Variants in DMD observed in about 807,000 individuals in gnomAD.
DMD encodes the protein dystrophin.
In DMD, 63 loss-of-function variants were observed where a neutral mutation model predicts 330.1. That is an observed-to-expected ratio of 0.19 (90% CI 0.16 to 0.24). The LOEUF is 0.24. Among genes scored for constraint, DMD ranks in the 10% least tolerant of loss-of-function variants. DMD has a pLI of 1.00. For missense variants in DMD, 3,344 were observed against 2,684.1 expected, an observed-to-expected ratio of 1.25 and a Z score of -5.43; for synonymous variants, 1,223 against 959.8, an observed-to-expected ratio of 1.27 and a Z score of -5.07.
chrX:32,723,841 TA>T (rs2066583665), intron 7 of DMD, among the ~76,000 whole-genome samples: 1 of 108,778 alleles, frequency 9.2e-6, no homozygotes, highest in Non-Finnish European at 1.9e-5. Flanking sequence ...AGGCCACACC[TA>T]AAATACACTA....
At chrX:31,572,177 AAAAAT>A (rs1569552142) in intron 55 of DMD, among the ~76,000 whole-genome samples, 1 of 112,295 alleles carries the variant, frequency 8.9e-6, no homozygotes, top group East Asian at 2.8e-4. Flanking sequence ...ATTAAAAAAT[AAAAAT>A]AAAAGTGATT....
At chrX:32,560,857 G>C (rs2149065535) in intron 16 of DMD, among the ~76,000 whole-genome samples, 1 of 111,864 alleles carries the variant, frequency 8.9e-6, no homozygotes, top group East Asian at 2.8e-4. Flanking sequence ...CATTTGGGTT[G>C]ATTCTATGTC....
intron 44 of DMD, among the ~76,000 whole-genome samples, chrX:32,191,456 A>G (rs966131111): frequency 1.8e-5 from 2 of 112,137 alleles, no homozygotes; most frequent in Non-Finnish European, 3.8e-5. Context: ...ATGAAGGAAC[A>G]GCGAGAATAA....
intron 3 of DMD, among the ~76,000 whole-genome samples, chrX:32,847,862 CAT>C (rs1279938630): frequency 2.7e-5 from 3 of 112,025 alleles, no homozygotes; most frequent in Admixed American, 1.9e-4. Context: ...AAATGCAAAT[CAT>C]GTGGATTTTT....
chrX:33,051,177 A>C (rs1192977598), intron 1 of DMD, among the ~76,000 whole-genome samples: 1 of 107,791 alleles, frequency 9.3e-6, no homozygotes, highest in Non-Finnish European at 1.9e-5. Context: ...TTTTTAGCAG[A>C]TATCTTTGGA....
intron 63 of DMD, among the ~76,000 whole-genome samples, chrX:31,254,726 T>G (rs2049753610): frequency 9.0e-6 from 1 of 111,047 alleles, no homozygotes; most frequent in East Asian, 2.8e-4. Flanking sequence ...TTACTTAAAT[T>G]TGTAGTAAGA....
chrX:32,358,863 T>A (rs2097819150), intron 37 of DMD, among the ~76,000 whole-genome samples: 1 of 112,058 alleles, frequency 8.9e-6, no homozygotes, highest in South Asian at 3.7e-4. Flanking sequence ...TTAATTATTT[T>A]TAACCATTTC....
At chrX:31,132,366 A>C (rs1352356723) in intron 77 of DMD, among the ~76,000 whole-genome samples, 1 of 112,169 alleles carries the variant, frequency 8.9e-6, no homozygotes, top group Non-Finnish European at 1.9e-5. Context: ...AAAGGATTTC[A>C]CCTTACAGCT....
At chrX:31,735,334 A>G (rs1326643906) in intron 51 of DMD, among the ~76,000 whole-genome samples, 1 of 110,840 alleles carries the variant, frequency 9.0e-6, no homozygotes, top group African/African-American at 3.3e-5. Context: ...ATATTGTCCC[A>G]TTTTATCCTG....
intron 28 of DMD, 95 bp downstream of exon 28, chrX:32,441,085 T>G (rs2098279861): frequency 1.6e-5 from 15 of 942,037 alleles, no homozygotes; most frequent in Admixed American, 4.7e-5. Flanking sequence ...TATACTCTCT[T>G]GGGTTGTTTT....
intron 55 of DMD, among the ~76,000 whole-genome samples, chrX:31,537,824 C>T (rs752718654): frequency 1.8e-5 from 2 of 111,949 alleles, no homozygotes; most frequent in South Asian, 7.5e-4. Context: ...TGATGTACAC[C>T]CGTAGCACTA....
chrX:32,499,824 T>A (rs1288793883), intron 19 of DMD, among the ~76,000 whole-genome samples: 2 of 111,328 alleles, frequency 1.8e-5, no homozygotes, highest in Non-Finnish European at 3.8e-5. Flanking sequence ...CTTCAGGCAC[T>A]TAATATGTGT....
intron 7 of DMD, among the ~76,000 whole-genome samples, chrX:32,795,580 A>G (rs2076124627): frequency 8.9e-6 from 1 of 112,058 alleles, no homozygotes; most frequent in South Asian, 3.7e-4. Flanking sequence ...TATGACCTCA[A>G]AAGCGCAGGC....
rs371744096 is a variant in DMD at position 31,535,901 on chromosome X, C to T, written c.8218-28448G>A. On this transcript the variant is annotated intron_variant, in intron 55 of 78. Coordinates refer to ENST00000357033, the MANE Select transcript of DMD (RefSeq NM_004006.3). The stretch of plus-strand genomic sequence containing the variant: ...AGATTAGGTACTCTGAATGCAAAGC[C>T]CTTTGAAAGTTGGACAACTCTGAAC... Among the ~76,000 whole-genome samples, 8 of 111,673 alleles carry T rather than the reference C, an allele frequency of 7.2e-5. No individual in the cohort carries two copies. The East Asian group carries it at 2.3e-3, about 32-fold the overall frequency.
intron 61 of DMD, among the ~76,000 whole-genome samples, chrX:31,341,698 G>A (rs1193454193): frequency 1.8e-5 from 2 of 110,943 alleles, no homozygotes; most frequent in Non-Finnish European, 3.8e-5. Context: ...CCAGAAACTG[G>A]GTTCCAGTCC....
At chrX:32,456,576 CTT>C (rs869041903) in intron 25 of DMD, among the ~76,000 whole-genome samples, 1 of 62,698 alleles carries the variant, frequency 1.6e-5, no homozygotes, top group African/African-American at 6.3e-5. Flanking sequence ...CACATACATA[CTT>C]TGTGTGTGTG....
intron 44 of DMD, among the ~76,000 whole-genome samples, chrX:32,054,077 G>C (rs1230824536): frequency 3.9e-5 from 3 of 76,872 alleles, no homozygotes; most frequent in Non-Finnish European, 7.0e-5. Context: ...GGGTATGTGT[G>C]TGTGTGTGTG....
chrX:31,411,765 C>T (rs2061654922), intron 60 of DMD, among the ~76,000 whole-genome samples: 1 of 110,272 alleles, frequency 9.1e-6, no homozygotes, highest in Non-Finnish European at 1.9e-5. Context: ...TCCCGAGTAG[C>T]TGGGACTACA....
intron 1 of DMD, among the ~76,000 whole-genome samples, chrX:33,283,277 G>A (rs111447134): frequency 0.093 from 10,326 of 111,386 alleles, 704 homozygotes; most frequent in African/African-American, 0.24. Flanking sequence ...GGTGGCTCAC[G>A]CCTGTAATCC....
Sources: gnomAD v4.1 joint callset for allele counts (sites outside exome capture counted in the v4.1 genomes callset) on GRCh38, gnomAD v4.1.1 for gene constraint, MANE v1.5 for transcripts, NCBI Gene and HGNC (gene_info 2026-07-23, HGNC 2026-07-21) for gene names.